Variants in PTCHD4 observed in about 807,000 individuals in gnomAD.
PTCHD4 encodes patched domain-containing protein 4.
Under a neutral mutation model 58.1 loss-of-function variants are expected in PTCHD4, and 33 were observed. The observed-to-expected ratio is 0.57, with a 90% CI of 0.43 to 0.76. PTCHD4 has a LOEUF of 0.76. Among genes scored for constraint, PTCHD4 ranks in the 30% least tolerant of loss-of-function variants. PTCHD4 has a pLI of 0.00. For missense variants in PTCHD4, 1,058 were observed against 1,027.1 expected (o/e 1.03, Z -0.41); for synonymous variants, 478 against 409.6 (o/e 1.17, Z -2.02).
At chr6:48,067,258 C>G (rs1168023337) in intron 3 of PTCHD4, among the ~76,000 whole-genome samples, 1 of 152,152 alleles carries the variant, frequency 6.6e-6, no homozygotes, top group East Asian at 1.9e-4. Flanking sequence ...TTAGAAATCT[C>G]ATTTGAGAGA....
intron 4 of PTCHD4, among the ~76,000 whole-genome samples, chr6:47,989,803 G>A (rs1253301341): frequency 6.6e-6 from 1 of 152,162 alleles, no homozygotes. Context: ...GGAAATGTGG[G>A]GTCGGAGACC....
At chr6:47,896,615 GTAGTTTTT>G (rs1450228774) in intron 4 of PTCHD4, among the ~76,000 whole-genome samples, 1 of 152,144 alleles carries the variant, frequency 6.6e-6, no homozygotes, top group African/African-American at 2.4e-5. Context: ...TATAAGCACA[GTAGTTTTT>G]TATTTCTTTG....
chr6:48,091,430 T>A (rs1765363847), intron 1 of PTCHD4, among the ~76,000 whole-genome samples: 1 of 152,116 alleles, frequency 6.6e-6, no homozygotes, highest in Non-Finnish European at 1.5e-5. Flanking sequence ...AATCAGAATC[T>A]CTGCAAAATT....
At chr6:48,065,580 C>T (rs1418121779) in intron 3 of PTCHD4, among the ~76,000 whole-genome samples, 1 of 152,180 alleles carries the variant, frequency 6.6e-6, no homozygotes, top group Non-Finnish European at 1.5e-5. Context: ...TCATTTTGCT[C>T]TCTGCCAGGG....
intron 4 of PTCHD4, among the ~76,000 whole-genome samples, chr6:47,972,979 CATT>C (rs1767572894): frequency 1.3e-5 from 2 of 152,012 alleles, no homozygotes; most frequent in South Asian, 4.1e-4. Context: ...TATAATCTCT[CATT>C]ATGTTTTTAG....
intron 4 of PTCHD4, chr6:47,900,326 T>A (rs1764658125): frequency 6.6e-6 from 1 of 152,232 alleles, no homozygotes; most frequent in East Asian, 1.9e-4. Flanking sequence ...TCCTAATGGA[T>A]ATGATGTGCT....
At chr6:47,902,760 C>T (rs1370638851) in intron 4 of PTCHD4, among the ~76,000 whole-genome samples, 1 of 152,022 alleles carries the variant, frequency 6.6e-6, no homozygotes, top group Non-Finnish European at 1.5e-5. Context: ...TTACCTTGAG[C>T]CAATTTTGTA....
At position 48,008,690 on chromosome 6, in the gene PTCHD4, A is replaced by G. The variant is rs747676757; in HGVS notation, c.842T>C (p.Phe281Ser). ...GGAGTTGTACTTTCCATCGGTGATG[A>G]AGAAGATCCCTGCTGCTGTGATGAT... ...ISIITAAGIF[F>S]ITDGKYNSTL... Residue 281 changes from phenylalanine to serine, a missense_variant, in exon 4 of 5, where the codon TTC (phenylalanine) becomes TCC (serine). Coordinates refer to ENST00000339488, the MANE Select transcript of PTCHD4 (RefSeq NM_001384253.1). The G allele has an allele frequency of 1.2e-6, 2 of 1,613,660 alleles. No individual in the cohort carries two copies. Among genetic ancestry groups the G allele is most frequent in the Admixed American group, 3.3e-5 (2 of 59,940 alleles).
intron 1 of PTCHD4, among the ~76,000 whole-genome samples, chr6:48,109,307 T>G (rs770165449): frequency 6.6e-6 from 1 of 152,168 alleles, no homozygotes; most frequent in African/African-American, 2.4e-5. Flanking sequence ...AAAAACCTAA[T>G]AGCCCAATGT....
At chr6:48,046,731 C>T (rs1214562039) in intron 3 of PTCHD4, among the ~76,000 whole-genome samples, 1 of 151,778 alleles carries the variant, frequency 6.6e-6, no homozygotes, top group Admixed American at 6.6e-5. Context: ...ATTTATTATA[C>T]AACTTGTCAA....
At chr6:47,993,513 G>A (rs764236310) in intron 4 of PTCHD4, among the ~76,000 whole-genome samples, 13 of 152,126 alleles carry the variant, frequency 8.5e-5, no homozygotes, top group Non-Finnish European at 1.6e-4. Context: ...AATATATTAA[G>A]GACTTTGTGA....
intron 4 of PTCHD4, among the ~76,000 whole-genome samples, chr6:47,913,867 A>G (rs1454776340): frequency 2.0e-5 from 3 of 152,166 alleles, no homozygotes; most frequent in African/African-American, 7.2e-5. Flanking sequence ...GTTGGAGTTC[A>G]GAAACTTGCT....
chr6:47,880,040 T>C, intron 4 of PTCHD4, 104 bp from the exon 5 acceptor site: 1 of 892,668 alleles, frequency 1.1e-6, no homozygotes, highest in Non-Finnish European at 1.6e-6. Context: ...TATACTCTAA[T>C]CTTCAAAGGG....
chr6:47,904,318 C>T (rs2114153111), intron 4 of PTCHD4, among the ~76,000 whole-genome samples: 1 of 152,292 alleles, frequency 6.6e-6, no homozygotes, highest in Non-Finnish European at 1.5e-5. Flanking sequence ...GCATTTAGAG[C>T]AGAGGTTGGC....
At chr6:47,901,651 G>GTTAA in intron 4 of PTCHD4, 1 of 1,134,686 alleles carries the variant, frequency 8.8e-7, no homozygotes. Flanking sequence ...ACACACAGCT[G>GTTAA]TTAAGCACAG....
Position 48,001,541 on chromosome 6 carries a change from A to C in PTCHD4, c.898+7093T>G, listed in dbSNP as rs192332224. Among the ~76,000 whole-genome samples the C allele has an allele frequency of 6.3e-3, 967 of 152,344 alleles. 8 individuals carry two copies. Among genetic ancestry groups the C allele is most frequent in the Non-Finnish European group, 0.011 (733 of 68,042 alleles). ...CCCTATTTAATAAATGGTGCTGGGA[A>C]AACTGGATAGCCATATGTGGAAAGC... On this transcript the variant is annotated intron_variant, in intron 4 of 4. Coordinates refer to ENST00000339488, the MANE Select transcript of PTCHD4 (RefSeq NM_001384253.1).
intron 4 of PTCHD4, among the ~76,000 whole-genome samples, chr6:47,946,273 C>T (rs917363947): frequency 1.9e-4 from 29 of 151,962 alleles, no homozygotes; most frequent in African/African-American, 5.3e-4. Flanking sequence ...CTACATTTAT[C>T]AATTATTGAG....
At chr6:47,913,453 A>G (rs573792485) in intron 4 of PTCHD4, among the ~76,000 whole-genome samples, 4 of 152,094 alleles carry the variant, frequency 2.6e-5, no homozygotes, top group Non-Finnish European at 4.4e-5. Flanking sequence ...CTTTTATGTC[A>G]TAATTTATTT....
intron 1 of PTCHD4, among the ~76,000 whole-genome samples, chr6:48,107,022 T>C (rs1242976780): frequency 6.6e-6 from 1 of 152,214 alleles, no homozygotes; most frequent in Non-Finnish European, 1.5e-5. Flanking sequence ...ATAGCCATAC[T>C]GCCCAAGGTA....
Sources: gnomAD v4.1 joint callset for allele counts (sites outside exome capture counted in the v4.1 genomes callset) on GRCh38, gnomAD v4.1.1 for gene constraint, MANE v1.5 for transcripts, NCBI Gene and HGNC (gene_info 2026-07-23, HGNC 2026-07-21) for gene names.